The following BEND2 variants were observed in gnomAD, a reference collection of about 807,000 sequenced individuals.
BEND2 encodes the protein BEN domain-containing protein 2.
A neutral mutation model predicts 43.8 loss-of-function variants in BEND2; 19 were observed. The observed-to-expected ratio is 0.43, with a 90% CI of 0.30 to 0.64. BEND2 has a LOEUF of 0.64. BEND2 is among the 30% of genes least tolerant of loss of function. BEND2 has a pLI of 0.11. For missense variants in BEND2, 544 were observed against 574.0 expected, an observed-to-expected ratio of 0.95 and a Z score of 0.53; for synonymous variants, 226 against 210.1, an observed-to-expected ratio of 1.08 and a Z score of -0.66.
chrX:18,211,155 C>T lies in BEND2; in HGVS notation c.492+1410G>A, dbSNP rs189464535. Among the ~76,000 whole-genome samples the T allele has an allele frequency of 3.6e-5, 4 of 111,725 alleles. No homozygotes were observed. The South Asian group carries it at 1.5e-3, about 42-fold the overall frequency. ...TGATAGAAGTTAAGAATTGCCTACACTACTTATGTGGCACTGATATCCACA... is the reference window on the plus strand; with the variant it reads ...TGATAGAAGTTAAGAATTGCCTACATTACTTATGTGGCACTGATATCCACA... On this transcript the variant is annotated intron_variant, in intron 4 of 13. Coordinates refer to ENST00000380033, the MANE Select transcript of BEND2 (RefSeq NM_153346.5).
In BEND2 at chrX:18,164,074, G is replaced by A. The variant is rs780815652; in HGVS notation, c.*935C>T. The A allele has an allele frequency of 9.0e-6, 1 of 110,737 alleles. No individual in the cohort carries two copies. Among genetic ancestry groups the A allele is most frequent in the East Asian group, 2.8e-4 (1 of 3,531 alleles). The allele number at this position is 110,737 out of a possible 1,213,427, so 9.1% of individuals were successfully genotyped here. A position where few individuals can be genotyped will look rare whatever the true frequency, so the allele number is the denominator to read the frequency against. ...GTCTCACTCTGTCACCCAGGCTCGAGTGCAGTGGCACAATCTCGGCTCACT... is the reference window on the plus strand; with the variant it reads ...GTCTCACTCTGTCACCCAGGCTCGAATGCAGTGGCACAATCTCGGCTCACT... On this transcript the variant is annotated 3_prime_UTR_variant, in exon 14 of 14. Coordinates refer to ENST00000380033, the MANE Select transcript of BEND2 (RefSeq NM_153346.5).
At chrX:18,172,564 C>T (rs1924006431) in intron 12 of BEND2, among the ~76,000 whole-genome samples, 1 of 110,227 alleles carries the variant, frequency 9.1e-6, no homozygotes, top group African/African-American at 3.3e-5. Context: ...CATGGTGGCA[C>T]ACATCTGTAG....
chrX:18,220,634 C>T, intron 1 of BEND2, 92 bp downstream of exon 1: 1 of 1,139,248 alleles, frequency 8.8e-7, no homozygotes, highest in Non-Finnish European at 1.2e-6. Flanking sequence ...AATCCTGCCG[C>T]CCCTGAATGG....
intron 5 of BEND2, among the ~76,000 whole-genome samples, chrX:18,203,255 T>TA (rs1375940774): frequency 3.7e-3 from 390 of 105,618 alleles, no homozygotes; most frequent in African/African-American, 0.01. Context: ...AAAATTGTTT[T>TA]AAAAAAAAAA....
chrX:18,195,243 T>C, intron 7 of BEND2, 53 bp downstream of exon 7: 1 of 1,129,727 alleles, frequency 8.9e-7, no homozygotes, highest in Non-Finnish European at 1.2e-6. Context: ...ATTAAGAATG[T>C]TGATGAATCT....
chrX:18,180,364 TC>T (rs1924339684), intron 9 of BEND2, 145 bp downstream of exon 9: 2 of 887,955 alleles, frequency 2.3e-6, no homozygotes, highest in African/African-American at 2.0e-5. Context: ...TAATATGCAC[TC>T]AATAAATGTT....
chrX:18,191,020 G>A lies in BEND2; in HGVS notation c.1269C>T (p.Ala423=), dbSNP rs2147410075. 1.7e-6 allele frequency: 2 copies of A among 1,206,217 alleles called. No homozygotes were observed. Among genetic ancestry groups the A allele is most frequent in the South Asian group, 1.8e-5 (1 of 56,294 alleles). ...ACTCACCAAAATCGGGAGTGAGGCA[G>A]GCAGATGCTGAAGCATCATCTTGGT... ...NCDQDDASAS[A]CLTPDFALLP... The change falls in exon 8 of 14, where the codon GCC becomes GCT. Residue 423 remains alanine, a synonymous_variant. Coordinates refer to ENST00000380033, the MANE Select transcript of BEND2 (RefSeq NM_153346.5).
intron 8 of BEND2, among the ~76,000 whole-genome samples, chrX:18,186,089 G>A (rs1451683619): frequency 8.9e-6 from 1 of 111,957 alleles, no homozygotes; most frequent in Non-Finnish European, 1.9e-5. Context: ...TAATTGTGCT[G>A]TATAAAATAC....
chrX:18,178,349 C>T (rs1924256282), intron 9 of BEND2, among the ~76,000 whole-genome samples: 1 of 111,325 alleles, frequency 9.0e-6, no homozygotes, highest in African/African-American at 3.3e-5. Context: ...ATTATTCCCA[C>T]CCCATTATTT....
rs1466798663 is a variant in BEND2 at position 18,163,090 on chromosome X, AT to A, written c.*1918del. On this transcript the variant is annotated 3_prime_UTR_variant, in exon 14 of 14. Coordinates refer to ENST00000380033, the MANE Select transcript of BEND2 (RefSeq NM_153346.5). ...TAACTTGTGAAATTTTGAAGACACA[AT>A]TTTGAAGACACAATTCCACTTTAAC... 1 of 112,145 alleles carries A rather than the reference AT, an allele frequency of 8.9e-6. No homozygotes were observed. The highest frequency in any genetic ancestry group is 1.9e-5 in the Non-Finnish European group (1 of 53,238). 9.2% of individuals were successfully genotyped at this position (112,145 alleles called of 1,213,427 possible).
chrX:18,179,725 T>C (rs1924311965), intron 9 of BEND2, among the ~76,000 whole-genome samples: 3 of 112,279 alleles, frequency 2.7e-5, no homozygotes, highest in Non-Finnish European at 5.6e-5. Context: ...CTGATCCTTG[T>C]TCTAGGATAT....
At chrX:18,170,141 C>T (rs1422047347) in intron 13 of BEND2, among the ~76,000 whole-genome samples, 1 of 111,367 alleles carries the variant, frequency 9.0e-6, no homozygotes, top group Non-Finnish European at 1.9e-5. Flanking sequence ...GTTGTGAAAT[C>T]AGTGATAGCA....
At chrX:18,185,002 G>A (rs761825394) in intron 8 of BEND2, among the ~76,000 whole-genome samples, 1 of 109,718 alleles carries the variant, frequency 9.1e-6, no homozygotes, top group East Asian at 2.9e-4. Flanking sequence ...TTCTGGAGTT[G>A]AAAAATGCGG....
chrX:18,197,162 C>T (rs529896213), intron 6 of BEND2, among the ~76,000 whole-genome samples: 7 of 112,175 alleles, frequency 6.2e-5, no homozygotes, highest in Non-Finnish European at 1.1e-4. Flanking sequence ...TGGCTGGGCA[C>T]GGTGGCTCAC....
Position 18,187,654 on chromosome X carries a change from T to C in BEND2, c.1288+3347A>G, listed in dbSNP as rs58807589. Among the ~76,000 whole-genome samples the C allele has an allele frequency of 2.5e-3, 277 of 112,203 alleles. 2 individuals are homozygous for C. Among genetic ancestry groups the C allele is most frequent in the African/African-American group, 8.6e-3 (265 of 30,994 alleles). On this transcript the variant is annotated intron_variant, in intron 8 of 13. Transcript: ENST00000380033. The stretch of plus-strand genomic sequence containing the variant: ...ATAGACCAAATGGGTCTAATAGATA[T>C]GAACATTTCACGGATATATTAAATG...
intron 1 of BEND2, 73 bp from the exon 2 acceptor site, chrX:18,216,806 A>T: frequency 5.0e-6 from 4 of 804,780 alleles, no homozygotes; most frequent in Non-Finnish European, 7.2e-6. Flanking sequence ...AAGCTACCTT[A>T]TAAAGTTATA....
At chrX:18,187,409 A>G (rs1924612593) in intron 8 of BEND2, among the ~76,000 whole-genome samples, 1 of 112,203 alleles carries the variant, frequency 8.9e-6, no homozygotes, top group Non-Finnish European at 1.9e-5. Flanking sequence ...AGACCATCAC[A>G]TAATGATTAA....
chrX:18,174,185 C>A lies in BEND2; in HGVS notation c.1826G>T (p.Gly609Val). The A allele has an allele frequency of 1.7e-6, 2 of 1,211,809 alleles. No individual in the cohort carries two copies. Among genetic ancestry groups the A allele is most frequent in the Non-Finnish European group, 2.2e-6 (2 of 895,475 alleles). ...SASADRNDQR[G>V]RDGGEGCSWM... ...AGAACAGCCTTCACCACCATCTCTG[C>A]CCCTTTGGTCATTTCTATCTGCAGA... Residue 609 changes from glycine (G) to valine (V), a missense_variant, in exon 12 of 14, where the codon GGC (glycine) becomes GTC (valine). Around this residue, in one of 2 missense-constraint regions of BEND2, gnomAD observed 501 missense variants for 501.6 expected, o/e 1.00. Coordinates refer to ENST00000380033, the MANE Select transcript of BEND2 (RefSeq NM_153346.5).
At chrX:18,209,342 C>T (rs1017907792) in intron 4 of BEND2, among the ~76,000 whole-genome samples, 3 of 111,366 alleles carry the variant, frequency 2.7e-5, no homozygotes, top group Admixed American at 9.6e-5. Context: ...TGCATGGATA[C>T]TAACTTGTCT....
Sources: allele counts gnomAD v4.1 joint callset (sites outside exome capture counted in the v4.1 genomes callset), GRCh38; gene constraint gnomAD v4.1.1; regional missense constraint gnomAD v4.1.1; transcripts MANE v1.5; gene names NCBI Gene and HGNC (gene_info 2026-07-23, HGNC 2026-07-21).